The following LRCH2 variants were observed in gnomAD, a reference collection of about 807,000 sequenced individuals.
LRCH2 encodes the protein leucine rich repeats and calponin homology domain containing 2.
Under a neutral mutation model 68.9 loss-of-function variants are expected in LRCH2, and 38 were observed. That is an observed-to-expected ratio of 0.55 (90% CI 0.43 to 0.72). The LOEUF is 0.72. Ranked by LOEUF, LRCH2 falls within the 30% of genes least tolerant of loss-of-function variation. LRCH2 has a pLI of 0.00. For missense variants in LRCH2, 528 were observed against 572.9 expected, an observed-to-expected ratio of 0.92 and a Z score of 0.80; for synonymous variants, 191 against 208.1, an observed-to-expected ratio of 0.92 and a Z score of 0.71.
At chrX:115,190,297 G>C in intron 1 of LRCH2, 1 of 1,151,207 alleles carries the variant, frequency 8.7e-7, no homozygotes, top group African/African-American at 1.8e-5. Context: ...TGGCTACAGG[G>C]GTCGCGACCA....
intron 20 of LRCH2, among the ~76,000 whole-genome samples, chrX:115,117,931 T>C (rs2072097922): frequency 9.1e-6 from 1 of 110,010 alleles, no homozygotes; most frequent in African/African-American, 3.4e-5. Flanking sequence ...ATATTGTATG[T>C]TAATAACTCA....
intron 1 of LRCH2, chrX:115,190,651 C>T (rs781827336): frequency 7.9e-6 from 9 of 1,143,760 alleles, no homozygotes; most frequent in Admixed American, 2.7e-5. Context: ...CAGCGGGGGC[C>T]GCAACAGTTC....
At chrX:115,160,151 A>G (rs1050124749) in intron 11 of LRCH2, among the ~76,000 whole-genome samples, 1 of 109,817 alleles carries the variant, frequency 9.1e-6, no homozygotes, top group Non-Finnish European at 1.9e-5. Flanking sequence ...CCCTGTCTCT[A>G]CTAAAAATAC....
At chrX:115,114,245 C>A (rs968677858) in intron 20 of LRCH2, among the ~76,000 whole-genome samples, 1 of 111,577 alleles carries the variant, frequency 9.0e-6, no homozygotes, top group Non-Finnish European at 1.9e-5. Flanking sequence ...ACTCCCATAA[C>A]CCATTCTCCA....
At chrX:115,116,198 G>C (rs914069688) in intron 20 of LRCH2, among the ~76,000 whole-genome samples, 1 of 111,246 alleles carries the variant, frequency 9.0e-6, no homozygotes, top group African/African-American at 3.2e-5. Flanking sequence ...CAATTTCACT[G>C]CTAGGTATAA....
chrX:115,152,230 C>G (rs1311924965), intron 12 of LRCH2, among the ~76,000 whole-genome samples: 1 of 111,390 alleles, frequency 9.0e-6, no homozygotes, highest in Non-Finnish European at 1.9e-5. Flanking sequence ...AAATGCTGCA[C>G]TGGTCCCACA....
Position 115,191,251 on chromosome X carries a change from G to C in LRCH2, c.350-2881C>G, listed in dbSNP as rs782710190. On this transcript the variant is annotated intron_variant, in intron 1 of 20. Transcript: ENST00000317135. ...AGGCCGCTCCCTCGATGCCAACAGT[G>C]GAGGCCGCTCGCCCAATGCCTACAG... 3.5e-6 allele frequency: 4 copies of C among 1,153,387 alleles called. No homozygotes were observed. The South Asian group carries it at 7.7e-5, about 22-fold the overall frequency.
chrX:115,172,427 T>C (rs4911889), intron 5 of LRCH2, among the ~76,000 whole-genome samples: 51,522 of 110,932 alleles, frequency 0.46, 10,425 homozygotes, highest in East Asian at 0.74. Flanking sequence ...AGTTAATATA[T>C]GTAAAGCATT....
intron 5 of LRCH2, among the ~76,000 whole-genome samples, chrX:115,174,361 T>C (rs941056716): frequency 1.2e-4 from 13 of 110,330 alleles, no homozygotes; most frequent in African/African-American, 4.3e-4. Context: ...AAATCTCCCC[T>C]TTATCCACAC....
At chrX:115,217,208 A>G (rs967123595) in intron 1 of LRCH2, among the ~76,000 whole-genome samples, 3 of 111,351 alleles carry the variant, frequency 2.7e-5, no homozygotes, top group Admixed American at 9.6e-5. Context: ...TAACAAAACT[A>G]CACTTGTACC....
rs782116436 is a variant in LRCH2, at chrX:115,190,629, G to GCCCAACGCCCACAGCGGAGGCCGCTCA, written c.350-2260_350-2259insTGAGCGGCCTCCGCTGTGGGCGTTGGG. 6.3e-3 allele frequency: 7,274 copies of GCCCAACGCCCACAGCGGAGGCCGCTCA among 1,156,555 alleles called. 22 individuals carry two copies. Among genetic ancestry groups the GCCCAACGCCCACAGCGGAGGCCGCTCA allele is most frequent in the Non-Finnish European group, 7.1e-3 (6,169 of 865,258 alleles). ...GCTACGAGGAGTACAGAGGCCGCTCGCCCGACGCCCACAGCGGGGGCCGCA... is the reference window on the plus strand; with the variant it reads ...GCTACGAGGAGTACAGAGGCCGCTCGCCCAACGCCCACAGCGGAGGCCGCTCACCCGACGCCCACAGCGGGGGCCGCA... On this transcript the variant is annotated intron_variant, in intron 1 of 20. Coordinates refer to ENST00000317135, the MANE Select transcript of LRCH2 (RefSeq NM_020871.4).
At chrX:115,147,959 A>T (rs1185352225) in intron 14 of LRCH2, among the ~76,000 whole-genome samples, 1 of 111,317 alleles carries the variant, frequency 9.0e-6, no homozygotes, top group East Asian at 2.8e-4. Context: ...GGCTGAAGCA[A>T]GAGGATCACG....
Position 115,190,617 on chromosome X carries a change from C to CGG in LRCH2, c.350-2248_350-2247insCC. Reference sequence around the variant, plus strand: ...GAGAAGAAGGCTGCTACGAGGAGTACAGAGGCCGCTCGCCCGACGCCCACA... The same window carrying CGG: ...GAGAAGAAGGCTGCTACGAGGAGTACGGAGAGGCCGCTCGCCCGACGCCCACA... On this transcript the variant is annotated intron_variant, in intron 1 of 20. Transcript: ENST00000317135. 3 of 1,158,953 alleles carry CGG rather than the reference C, an allele frequency of 2.6e-6. No homozygotes were observed. In the East Asian group the frequency reaches 9.8e-5, roughly 38 times the overall value.
At chrX:115,211,850 T>C (rs1275754733) in intron 1 of LRCH2, among the ~76,000 whole-genome samples, 9 of 112,111 alleles carry the variant, frequency 8.0e-5, no homozygotes, top group African/African-American at 2.3e-4. Context: ...ATGAACACCA[T>C]TATAAAGCCC....
chrX:115,190,149 CCCGCGGGTCCGGGAG>C (rs1364016703), intron 1 of LRCH2: 1 of 1,162,516 alleles, frequency 8.6e-7, no homozygotes, highest in Non-Finnish European at 1.1e-6. Context: ...GCTACTCAGG[CCCGCGGGTCCGGGAG>C]CCACTGCCCC....
chrX:115,145,882 C>T lies in LRCH2; in HGVS notation c.1695+3945G>A, dbSNP rs782261781. Among the ~76,000 whole-genome samples the T allele has an allele frequency of 8.1e-5, 9 of 111,552 alleles. No individual in the cohort carries two copies. In the East Asian group the frequency reaches 2.6e-3, roughly 32 times the overall value. On this transcript the variant is annotated intron_variant, in intron 14 of 20. Transcript: ENST00000317135. ...AACAATATGGAGAACAGTTTGGAGGCTCCTCAAAAAACTAAAAATACAGCT... is the reference window on the plus strand; with the variant it reads ...AACAATATGGAGAACAGTTTGGAGGTTCCTCAAAAAACTAAAAATACAGCT...
intron 20 of LRCH2, among the ~76,000 whole-genome samples, chrX:115,118,952 T>C (rs1461981339): frequency 9.0e-6 from 1 of 111,614 alleles, no homozygotes; most frequent in African/African-American, 3.3e-5. Flanking sequence ...GAAAAGAACT[T>C]TGACAAAATT....
intron 2 of LRCH2, among the ~76,000 whole-genome samples, chrX:115,187,949 G>A (rs1402254948): frequency 2.7e-5 from 3 of 112,610 alleles, no homozygotes; most frequent in African/African-American, 9.7e-5. Context: ...ATTGCCAAGG[G>A]GCCTGTTAGA....
chrX:115,192,331 C>T (rs782029539), intron 1 of LRCH2: 45 of 1,079,756 alleles, frequency 4.2e-5, no homozygotes, highest in African/African-American at 3.7e-4. Flanking sequence ...CAGTGGGGGC[C>T]GCGACAGTTC....
Sources: gnomAD v4.1 joint callset for allele counts (sites outside exome capture counted in the v4.1 genomes callset) on GRCh38, gnomAD v4.1.1 for gene constraint, MANE v1.5 for transcripts, NCBI Gene and HGNC (gene_info 2026-07-23, HGNC 2026-07-21) for gene names.